The following PLCB1 variants were observed in gnomAD, a reference collection of about 807,000 sequenced individuals.
The protein encoded by PLCB1 is 1-phosphatidylinositol 4,5-bisphosphate phosphodiesterase beta-1.
PLCB1 carries 46 observed loss-of-function variants against 161.8 expected under a neutral mutation model. That is an observed-to-expected ratio of 0.28 (90% CI 0.22 to 0.36). PLCB1 has a LOEUF of 0.36. PLCB1 is among the 10% of genes least tolerant of loss of function. PLCB1 has a pLI of 1.00. For synonymous variants in PLCB1, 517 were observed against 503.7 expected (o/e 1.03, Z -0.35); for missense variants, 1,016 against 1,472.5 (o/e 0.69, Z 5.07).
intron 3 of PLCB1, among the ~76,000 whole-genome samples, chr20:8,391,112 G>T: frequency 6.6e-6 from 1 of 151,116 alleles, no homozygotes; most frequent in East Asian, 1.9e-4. Context: ...ATTTACCATA[G>T]AATTCCATGC....
At chr20:8,670,930 T>C (rs763963897) in intron 9 of PLCB1, among the ~76,000 whole-genome samples, 4 of 152,214 alleles carry the variant, frequency 2.6e-5, no homozygotes, top group Non-Finnish European at 5.9e-5. Flanking sequence ...TTTTCAGTGC[T>C]GTGCTTAGAA....
In PLCB1 at chr20:8,717,857, CTGGTGGGCTCTCCCCGTCA is replaced by C; in HGVS notation, c.1513+12_1513+30del. Reference sequence around the variant, plus strand: ...CTCATCCCCAGGAGCCGGTGAGGGGCTGGTGGGCTCTCCCCGTCATGTTTTGTGTTGGTTTAAGAATTGC... The same window carrying C: ...CTCATCCCCAGGAGCCGGTGAGGGGCTGTTTTGTGTTGGTTTAAGAATTGC... On this transcript the variant is annotated intron_variant, in intron 14 of 31. Coordinates refer to ENST00000338037, the MANE Select transcript of PLCB1 (RefSeq NM_015192.4). 1 of 1,600,274 alleles carries C rather than the reference CTGGTGGGCTCTCCCCGTCA, an allele frequency of 6.2e-7. No individual in the cohort carries two copies. Among genetic ancestry groups the C allele is most frequent in the Non-Finnish European group, 8.5e-7 (1 of 1,175,460 alleles).
chr20:8,637,925 G>A lies in PLCB1; in HGVS notation c.385-8177G>A, dbSNP rs193274673. Among the ~76,000 whole-genome samples, 41 of 152,244 alleles carry A rather than the reference G, an allele frequency of 2.7e-4. No homozygotes were observed. The East Asian group carries it at 6.4e-3, about 24-fold the overall frequency. ...TGATTTATTTTTGAGACGGAGTCTC[G>A]CTCTGTCGCCCAGGCTGGAGTGCAG... On this transcript the variant is annotated intron_variant, in intron 4 of 31. Transcript: ENST00000338037.
chr20:8,740,205 A>G, intron 21 of PLCB1, 139 bp from the exon 22 acceptor site: 1 of 584,318 alleles, frequency 1.7e-6, no homozygotes, highest in Non-Finnish European at 3.0e-6. Flanking sequence ...TCATTCATAA[A>G]TGTTATTAAA....
intron 3 of PLCB1, among the ~76,000 whole-genome samples, chr20:8,491,583 C>A (rs962080891): frequency 2.6e-5 from 4 of 152,160 alleles, no homozygotes; most frequent in Non-Finnish European, 4.4e-5. Context: ...ATCTTGAAAT[C>A]TTGTGGGTAG....
chr20:8,365,603 C>G (rs1432263921), intron 2 of PLCB1, among the ~76,000 whole-genome samples: 6 of 152,260 alleles, frequency 3.9e-5, no homozygotes, highest in African/African-American at 1.4e-4. Flanking sequence ...CCATCTGCTT[C>G]TTGTTAAATG....
intron 3 of PLCB1, among the ~76,000 whole-genome samples, chr20:8,580,253 T>C (rs1295895608): frequency 6.6e-6 from 1 of 152,182 alleles, no homozygotes; most frequent in Non-Finnish European, 1.5e-5. Context: ...GCATGACTAA[T>C]ACAACCTTCC....
At chr20:8,412,673 C>T (rs1375725949) in intron 3 of PLCB1, among the ~76,000 whole-genome samples, 1 of 152,040 alleles carries the variant, frequency 6.6e-6, no homozygotes, top group Non-Finnish European at 1.5e-5. Flanking sequence ...CATGGTTATC[C>T]TGAAGATTCA....
chr20:8,490,203 GAA>G (rs767054774), intron 3 of PLCB1, among the ~76,000 whole-genome samples: 19 of 152,108 alleles, frequency 1.2e-4, no homozygotes, highest in Non-Finnish European at 1.9e-4. Flanking sequence ...TTTGAACAAT[GAA>G]ATACAAGGGA....
chr20:8,541,500 G>A (rs1359855224), intron 3 of PLCB1, among the ~76,000 whole-genome samples: 1 of 150,332 alleles, frequency 6.7e-6, no homozygotes, highest in East Asian at 1.9e-4. Flanking sequence ...CACAAACAGT[G>A]CACTGAATGA....
intron 3 of PLCB1, among the ~76,000 whole-genome samples, chr20:8,532,718 G>A (rs1430070294): frequency 6.6e-6 from 1 of 152,044 alleles, no homozygotes; most frequent in Non-Finnish European, 1.5e-5. Context: ...CACTTTGGAG[G>A]AAGGAGAAGA....
intron 1 of PLCB1, among the ~76,000 whole-genome samples, chr20:8,137,929 A>G (rs1336317529): frequency 6.6e-6 from 1 of 152,246 alleles, no homozygotes; most frequent in East Asian, 1.9e-4. Flanking sequence ...AACAGCAACA[A>G]AAGTGACTTA....
rs551042132 is a variant in PLCB1, at chr20:8,326,484, G to GC, written c.178-44896dup. Among the ~76,000 whole-genome samples the GC allele has an allele frequency of 4.2e-4, 64 of 152,198 alleles. 1 individual carries two copies. In the South Asian group the frequency reaches 0.013, roughly 31 times the overall value. ...GAATGATAGGTTATGATTTCCCTTGGCCTGTGATTTACCTAGTTTCATAAA... is the reference window on the plus strand; with the variant it reads ...GAATGATAGGTTATGATTTCCCTTGGCCCTGTGATTTACCTAGTTTCATAAA... On this transcript the variant is annotated intron_variant, in intron 2 of 31. Transcript: ENST00000338037.
At chr20:8,660,145 A>T (rs973314504) in intron 9 of PLCB1, among the ~76,000 whole-genome samples, 2 of 151,934 alleles carry the variant, frequency 1.3e-5, no homozygotes, top group Admixed American at 6.6e-5. Context: ...TGTTGTTGTT[A>T]TCATTTTCAC....
chr20:8,658,751 G>T (rs1376442972), intron 9 of PLCB1, 47 bp downstream of exon 9: 1 of 1,503,630 alleles, frequency 6.7e-7, no homozygotes, highest in South Asian at 1.3e-5. Flanking sequence ...TTTCTGATTG[G>T]GGGTAGTCAC....
intron 2 of PLCB1, among the ~76,000 whole-genome samples, chr20:8,257,515 T>C (rs1422538863): frequency 6.6e-6 from 1 of 152,182 alleles, no homozygotes; most frequent in East Asian, 1.9e-4. Context: ...AAAGACAGAC[T>C]GCTTGCGTTT....
At chr20:8,828,773 A>G (rs1178193947) in intron 31 of PLCB1, among the ~76,000 whole-genome samples, 1 of 152,150 alleles carries the variant, frequency 6.6e-6, no homozygotes, top group Non-Finnish European at 1.5e-5. Context: ...CACCTTTTAT[A>G]TTCTTCCCTG....
intron 2 of PLCB1, among the ~76,000 whole-genome samples, chr20:8,162,973 A>G (rs957423498): frequency 1.2e-4 from 18 of 152,218 alleles, no homozygotes; most frequent in African/African-American, 2.4e-4. Context: ...TAACCCTGAC[A>G]TAGTTCATAA....
At chr20:8,791,657 T>C (rs1405088345) in intron 31 of PLCB1, among the ~76,000 whole-genome samples, 3 of 152,052 alleles carry the variant, frequency 2.0e-5, no homozygotes, top group Middle Eastern at 3.4e-3. Context: ...TTTTTTTTCA[T>C]GCGTGTTTTG....
Sources: gnomAD v4.1 joint callset for allele counts (sites outside exome capture counted in the v4.1 genomes callset) on GRCh38, gnomAD v4.1.1 for gene constraint, MANE v1.5 for transcripts, NCBI Gene and HGNC (gene_info 2026-07-23, HGNC 2026-07-21) for gene names.